UBE3D: variants seen among roughly 807,000 people sequenced by gnomAD.
UBE3D encodes E3 ubiquitin-protein ligase E3D.
A neutral mutation model predicts 49.6 loss-of-function variants in UBE3D; 48 were observed. That is an observed-to-expected ratio of 0.97 (90% CI 0.77 to 1.23). The LOEUF is 1.23. UBE3D is among the 50% of genes most tolerant of loss of function. UBE3D has a pLI of 0.00. For synonymous variants in UBE3D, 189 were observed against 174.2 expected (o/e 1.08, Z -0.67); for missense variants, 452 against 468.4 (o/e 0.96, Z 0.32).
intron 7 of UBE3D, among the ~76,000 whole-genome samples, chr6:83,019,727 T>C (rs1211590246): frequency 6.6e-6 from 1 of 152,164 alleles, no homozygotes; most frequent in African/African-American, 2.4e-5. Context: ...AAGAGCTAGT[T>C]AAGGATATAG....
chr6:83,011,746 T>C (rs1780348982), intron 8 of UBE3D, among the ~76,000 whole-genome samples: 1 of 152,064 alleles, frequency 6.6e-6, no homozygotes. Flanking sequence ...CGTGGCAGCG[T>C]TGCTCCCACT....
At chr6:83,049,296 A>G (rs1783296248) in intron 3 of UBE3D, among the ~76,000 whole-genome samples, 1 of 150,744 alleles carries the variant, frequency 6.6e-6, no homozygotes, top group Non-Finnish European at 1.5e-5. Flanking sequence ...TAAGAATATT[A>G]GTAACATCAA....
At chr6:82,951,838 G>A (rs1775820203) in intron 9 of UBE3D, among the ~76,000 whole-genome samples, 1 of 152,160 alleles carries the variant, frequency 6.6e-6, no homozygotes, top group African/African-American at 2.4e-5. Context: ...TCAAAAGAAA[G>A]AGATGGTATC....
intron 5 of UBE3D, among the ~76,000 whole-genome samples, chr6:83,030,434 G>C (rs1019004780): frequency 6.6e-6 from 1 of 152,142 alleles, no homozygotes; most frequent in African/African-American, 2.4e-5. Flanking sequence ...TCTCTTGCCT[G>C]CTACCCTGTA....
intron 9 of UBE3D, among the ~76,000 whole-genome samples, chr6:82,917,733 C>A (rs1349834169): frequency 6.6e-6 from 1 of 152,144 alleles, no homozygotes; most frequent in East Asian, 1.9e-4. Context: ...GGAAACCAGA[C>A]AAAGACAAAG....
chr6:82,906,349 C>T (rs1432870834), intron 9 of UBE3D, among the ~76,000 whole-genome samples: 1 of 151,226 alleles, frequency 6.6e-6, no homozygotes, highest in Non-Finnish European at 1.5e-5. Context: ...CTTTTAGTGT[C>T]CTTATGAATT....
intron 8 of UBE3D, among the ~76,000 whole-genome samples, chr6:82,964,951 A>G (rs909598687): frequency 1.8e-4 from 27 of 152,206 alleles, no homozygotes; most frequent in African/African-American, 6.3e-4. Flanking sequence ...TTTTTCTTTG[A>G]AAATGACAGA....
At chr6:82,908,368 A>G (rs1278810914) in intron 9 of UBE3D, among the ~76,000 whole-genome samples, 1 of 152,148 alleles carries the variant, frequency 6.6e-6, no homozygotes, top group Non-Finnish European at 1.5e-5. Flanking sequence ...TGGTAGGCAG[A>G]GGCCCGGGAT....
At chr6:83,054,420 G>C (rs546175425) in intron 2 of UBE3D, among the ~76,000 whole-genome samples, 182 bp from the exon 3 acceptor site, 14 of 151,932 alleles carry the variant, frequency 9.2e-5, no homozygotes, top group African/African-American at 2.9e-4. Flanking sequence ...AAGTGTTTTT[G>C]AAAACAACAG....
intron 3 of UBE3D, among the ~76,000 whole-genome samples, chr6:83,052,677 G>A (rs1235932279): frequency 1.3e-5 from 2 of 152,136 alleles, no homozygotes; most frequent in Non-Finnish European, 2.9e-5. Context: ...ATAGGTTGGG[G>A]AAAGAGATAT....
At chr6:82,950,696 G>A (rs1037550267) in intron 9 of UBE3D, among the ~76,000 whole-genome samples, 1 of 152,168 alleles carries the variant, frequency 6.6e-6, no homozygotes, top group Non-Finnish European at 1.5e-5. Context: ...AGATTTGGAA[G>A]CAACCGAAGT....
chr6:82,950,609 C>T (rs957057961), intron 9 of UBE3D, among the ~76,000 whole-genome samples: 9 of 152,020 alleles, frequency 5.9e-5, no homozygotes, highest in Non-Finnish European at 1.2e-4. Flanking sequence ...TAGGTAGGTA[C>T]CCAAAAGAAA....
intron 9 of UBE3D, among the ~76,000 whole-genome samples, chr6:82,918,190 A>G (rs532909580): frequency 6.6e-6 from 1 of 151,848 alleles, no homozygotes; most frequent in African/African-American, 2.4e-5. Flanking sequence ...ATAGTTGTAT[A>G]TTTCTCTTCA....
Position 82,957,301 on chromosome 6 carries a change from C to T in UBE3D, c.1149+11G>A. On this transcript the variant is annotated intron_variant, in intron 9 of 9. Transcript: ENST00000369747. ...GAGAAATCACGGCCTAGAAAAGAAG[C>T]CATTGCTCACCTGAAAGGAATTCAC... The T allele has an allele frequency of 6.2e-7, 1 of 1,610,316 alleles. No homozygotes were observed. The highest frequency in any genetic ancestry group is 8.5e-7 in the Non-Finnish European group (1 of 1,178,606).
rs70987732 is a variant in UBE3D, at chr6:83,035,180, C to CA, written c.667+3235dup. 5.0e-3 allele frequency among the ~76,000 whole-genome samples: 686 copies of CA among 137,824 alleles called. 9 individuals are homozygous for CA. In the South Asian group the frequency reaches 0.058, roughly 12 times the overall value. The allele number at this position is 137,824 out of a possible 152,430, so 90.4% of individuals were successfully genotyped here. A position where few individuals can be genotyped will look rare whatever the true frequency, so the allele number is the denominator to read the frequency against. On this transcript the variant is annotated intron_variant, in intron 5 of 9. Transcript: ENST00000369747. ...TGGGCAACAGAGTGAGACTATGTCTCAAAAAAAAAAAAAAAAATCTTTATT... is the reference window on the plus strand; with the variant it reads ...TGGGCAACAGAGTGAGACTATGTCTCAAAAAAAAAAAAAAAAAATCTTTATT...
intron 9 of UBE3D, among the ~76,000 whole-genome samples, chr6:82,954,225 TG>T (rs1346078992): frequency 6.6e-6 from 1 of 152,212 alleles, no homozygotes; most frequent in Non-Finnish European, 1.5e-5. Flanking sequence ...TCCATCTTCT[TG>T]GGACCACTGC....
the UBE3D span, among the ~76,000 whole-genome samples, chr6:82,885,416 G>A: frequency 1.3e-5 from 2 of 152,120 alleles, no homozygotes; most frequent in Non-Finnish European, 2.9e-5. Context: ...AATAATCACT[G>A]TATCTAAAAT....
At chr6:82,959,647 C>G (rs1404846966) in intron 8 of UBE3D, among the ~76,000 whole-genome samples, 1 of 138,690 alleles carries the variant, frequency 7.2e-6, no homozygotes, top group African/African-American at 2.7e-5. Flanking sequence ...TTTAAGGCAC[C>G]AAGTGATCTT....
intron 4 of UBE3D, among the ~76,000 whole-genome samples, chr6:83,040,963 C>T (rs1015724346): frequency 6.6e-6 from 1 of 152,332 alleles, no homozygotes; most frequent in Middle Eastern, 3.4e-3. Context: ...GTATGGTCTA[C>T]AAAGGGTGCC....
Sources: allele counts gnomAD v4.1 joint callset (sites outside exome capture counted in the v4.1 genomes callset), GRCh38; gene constraint gnomAD v4.1.1; transcripts MANE v1.5; gene names NCBI Gene and HGNC (gene_info 2026-07-23, HGNC 2026-07-21).